EP300: variants seen among roughly 807,000 people sequenced by gnomAD.
The protein encoded by EP300 is histone acetyltransferase p300.
In EP300, 31 loss-of-function variants were observed where a neutral mutation model predicts 264.0. The observed-to-expected ratio is 0.12, with a 90% CI of 0.09 to 0.16. The LOEUF (loss-of-function observed/expected upper bound fraction) is 0.16, where lower values mean the gene tolerates loss of function less well. Among genes scored for constraint, EP300 ranks in the 10% least tolerant of loss-of-function variants. The pLI is 1.00. For synonymous variants in EP300, 1,340 were observed against 1,045.4 expected, an observed-to-expected ratio of 1.28 and a Z score of -5.44; for missense variants, 2,766 against 3,052.9, an observed-to-expected ratio of 0.91 and a Z score of 2.21.
chr22:41,112,929 C>T (rs1329971768), intron 1 of EP300, among the ~76,000 whole-genome samples: 1 of 152,030 alleles, frequency 6.6e-6, no homozygotes. Context: ...ACCCTTCCCC[C>T]CTTTTTTGCT....
rs749702423 is a variant in EP300, at chr22:41,149,786, C to T, written c.2405C>T (p.Pro802Leu). The T allele has an allele frequency of 1.4e-4, 225 of 1,613,910 alleles. No homozygotes were observed. Among genetic ancestry groups the T allele is most frequent in the Non-Finnish European group, 1.8e-4 (210 of 1,180,002 alleles). ...GCACAAATGTCTAGTTCTTCCTGCCCGGTGAACTCTCCTATAATGCCTCCA... is the reference window on the plus strand; with the variant it reads ...GCACAAATGTCTAGTTCTTCCTGCCTGGTGAACTCTCCTATAATGCCTCCA... ...SQAQMSSSSC[P>L]VNSPIMPPGS... The change falls in exon 14 of 31, where the codon CCG (proline) becomes CTG (leucine). Residue 802 changes from proline to leucine, a missense_variant. Coordinates refer to ENST00000263253, the MANE Select transcript of EP300 (RefSeq NM_001429.4).
At chr22:41,126,116 C>G (rs1328365886) in intron 3 of EP300, 76 bp downstream of exon 3, 1 of 1,470,136 alleles carries the variant, frequency 6.8e-7, no homozygotes, top group African/African-American at 1.4e-5. Flanking sequence ...TTTCACCCTT[C>G]TGTTATATAT....
At position 41,154,376 on chromosome 22, in the gene EP300, C is replaced by CTTTTTTTTTT. The variant is rs869304891; in HGVS notation, c.3143-605_3143-596dup. Among the ~76,000 whole-genome samples the CTTTTTTTTTT allele has an allele frequency of 1.8e-3, 109 of 61,786 alleles. 12 individuals carry two copies. Among genetic ancestry groups the CTTTTTTTTTT allele is most frequent in the African/African-American group, 4.6e-3 (75 of 16,164 alleles). The allele number at this position is 61,786 out of a possible 152,430, so 40.5% of individuals were successfully genotyped here. On this transcript the variant is annotated intron_variant, in intron 16 of 30. Transcript: ENST00000263253. Reference sequence around the variant, plus strand: ...TCTTAACACGAGTATCTTGTGCACTCTTTTTTTTTTTTTTTTTTTTTTTGA... The same window carrying CTTTTTTTTTT: ...TCTTAACACGAGTATCTTGTGCACTCTTTTTTTTTTTTTTTTTTTTTTTTTTTTTTTTTGA...
At position 41,096,914 on chromosome 22, in the gene EP300, C is replaced by G. The variant is rs139945144; in HGVS notation, c.94+3816C>G. ...GAATACAGGCGTGAGCCACCATGCCCGGCTGTCAGCTCTATTTTCTTAAAA... is the reference window on the plus strand; with the variant it reads ...GAATACAGGCGTGAGCCACCATGCCGGGCTGTCAGCTCTATTTTCTTAAAA... On this transcript the variant is annotated intron_variant, in intron 1 of 30. Transcript: ENST00000263253. Among the ~76,000 whole-genome samples the G allele has an allele frequency of 2.7e-3, 410 of 152,256 alleles. 1 individual carries two copies. The highest frequency in any genetic ancestry group is 9.6e-3 in the African/African-American group (397 of 41,548).
intron 10 of EP300, among the ~76,000 whole-genome samples, chr22:41,144,421 G>A (rs183992701): frequency 1.3e-5 from 2 of 150,130 alleles, no homozygotes; most frequent in South Asian, 2.1e-4. Flanking sequence ...GTGTGATCTC[G>A]GCTCACTGCA....
rs140819454 is a variant in EP300 at position 41,178,352 on chromosome 22, C to T, written c.6641C>T (p.Pro2214Leu). The change falls in exon 31 of 31, where the codon CCC becomes CTC. Residue 2214 changes from proline to leucine, a missense_variant. Physicochemically the swap from Pro to Leu is moderately conservative, Grantham distance 98 (BLOSUM62 -3). Coordinates refer to ENST00000263253, the MANE Select transcript of EP300 (RefSeq NM_001429.4). Reference sequence around the variant, plus strand: ...GCCAACCATAACCAGTTCCAGCAACCCCAAGGAGTTGGCTACCCACCACAG... The same window carrying T: ...GCCAACCATAACCAGTTCCAGCAACTCCAAGGAGTTGGCTACCCACCACAG... ...GMANHNQFQQ[P>L]QGVGYPPQQQ... 9.3e-6 allele frequency: 15 copies of T among 1,614,118 alleles called. No individual in the cohort carries two copies. The African/African-American group carries it at 2.0e-4, about 22-fold the overall frequency.
At chr22:41,121,234 C>A (rs1017501047) in intron 2 of EP300, among the ~76,000 whole-genome samples, 3 of 152,082 alleles carry the variant, frequency 2.0e-5, no homozygotes, top group Non-Finnish European at 4.4e-5. Context: ...TGTGTGGCTT[C>A]CTCACCCTCT....
At chr22:41,106,655 G>A (rs576762955) in intron 1 of EP300, among the ~76,000 whole-genome samples, 11 of 152,236 alleles carry the variant, frequency 7.2e-5, no homozygotes, top group Admixed American at 6.5e-4. Flanking sequence ...TGAGACTGTC[G>A]TCCAGGCTGT....
chr22:41,141,369 C>A, intron 10 of EP300, 147 bp downstream of exon 10: 1 of 800,742 alleles, frequency 1.2e-6, no homozygotes, highest in Admixed American at 2.7e-5. Context: ...AACTCATCTA[C>A]TAGTAAAAAC....
chr22:41,112,495 GGC>G (rs2058798201), intron 1 of EP300, among the ~76,000 whole-genome samples: 1 of 152,302 alleles, frequency 6.6e-6, no homozygotes, highest in African/African-American at 2.4e-5. Context: ...CACTGTGCCT[GGC>G]CAAGATGAAT....
chr22:41,117,725 C>T lies in EP300; in HGVS notation c.633C>T (p.Gly211=). 1.2e-6 allele frequency: 2 copies of T among 1,614,206 alleles called. No individual in the cohort carries two copies. Among genetic ancestry groups the T allele is most frequent in the Non-Finnish European group, 1.7e-6 (2 of 1,180,042 alleles). Residue 211 remains glycine, a synonymous_variant, in exon 2 of 31, where the codon GGC becomes GGT. Transcript: ENST00000263253. ...AGAATATGCAGTACCCAAACCCAGG[C>T]ATGGGAAGTGCTGGCAACTTACTGA... ...GRQNMQYPNP[G]MGSAGNLLTE...
At chr22:41,156,309 G>A (rs534357693) in intron 17 of EP300, among the ~76,000 whole-genome samples, 16 of 152,206 alleles carry the variant, frequency 1.1e-4, no homozygotes, top group Admixed American at 2.0e-4. Flanking sequence ...CACCGCACCC[G>A]GCCACTTTCG....
At chr22:41,137,857 G>C (rs2058960897) in intron 8 of EP300, 67 bp downstream of exon 8, 18 of 1,608,178 alleles carry the variant, frequency 1.1e-5, no homozygotes, top group Non-Finnish European at 1.5e-5. Context: ...TCAATCTCCT[G>C]GGCATTTAAT....
At position 41,157,453 on chromosome 22, in the gene EP300, C is replaced by T. The variant is rs1193669657; in HGVS notation, c.3501+45C>T. On this transcript the variant is annotated intron_variant, in intron 18 of 30. Coordinates refer to ENST00000263253, the MANE Select transcript of EP300 (RefSeq NM_001429.4). ...TTTGACTTTAACTTTTCTGGGATACCTAGAATAATATAGTGGTGACTGGGA... is the reference window on the plus strand; with the variant it reads ...TTTGACTTTAACTTTTCTGGGATACTTAGAATAATATAGTGGTGACTGGGA... 2.5e-6 allele frequency: 4 copies of T among 1,598,852 alleles called. No individual in the cohort carries two copies. The East Asian group carries it at 6.7e-5, about 27-fold the overall frequency.
At chr22:41,133,623 C>G (rs889321423) in intron 6 of EP300, among the ~76,000 whole-genome samples, 3 of 152,164 alleles carry the variant, frequency 2.0e-5, no homozygotes, top group African/African-American at 7.2e-5. Context: ...ATATCATTCA[C>G]AAAGTTTTGG....
chr22:41,124,184 G>T (rs1324547537), intron 2 of EP300, among the ~76,000 whole-genome samples: 3 of 152,268 alleles, frequency 2.0e-5, no homozygotes, highest in Non-Finnish European at 4.4e-5. Flanking sequence ...GGCAGAGGTT[G>T]CAGTGAGCCG....
chr22:41,108,604 A>G (rs191201969), intron 1 of EP300, among the ~76,000 whole-genome samples: 16 of 152,202 alleles, frequency 1.1e-4, no homozygotes, highest in East Asian at 3.9e-4. Context: ...TTACTTCACC[A>G]TGATTGGACT....
chr22:41,174,617 A>G (rs2059189751), intron 29 of EP300: 1 of 152,082 alleles, frequency 6.6e-6, no homozygotes. Flanking sequence ...TATAATTGAT[A>G]ACGAAAGCCA....
chr22:41,170,849 G>A (rs2059166078), intron 27 of EP300, among the ~76,000 whole-genome samples: 1 of 151,266 alleles, frequency 6.6e-6, no homozygotes, highest in African/African-American at 2.4e-5. Flanking sequence ...ATTTTTAGTA[G>A]AGACGGGGTT....
Sources: allele counts gnomAD v4.1 joint callset (sites outside exome capture counted in the v4.1 genomes callset), GRCh38; gene constraint gnomAD v4.1.1; transcripts MANE v1.5; gene names NCBI Gene and HGNC (gene_info 2026-07-23, HGNC 2026-07-21).